The following RGS6 variants were observed in gnomAD, a reference collection of about 807,000 sequenced individuals.
RGS6 encodes the protein regulator of G-protein signaling 6.
In RGS6, 30 loss-of-function variants were observed where a neutral mutation model predicts 78.5. The ratio of observed to expected loss-of-function variants is 0.38; its 90% CI spans 0.29 to 0.52. The LOEUF (loss-of-function observed/expected upper bound fraction) is 0.52, where lower values mean the gene tolerates loss of function less well. Ranked by LOEUF, RGS6 falls within the 20% of genes least tolerant of loss-of-function variation. RGS6 has a pLI of 0.85. For missense variants in RGS6, 495 were observed against 609.7 expected (o/e 0.81, Z 1.98); for synonymous variants, 206 against 206.0 (o/e 1.00, Z 0.00).
chr14:72,380,044 T>C (rs2085661796), intron 3 of RGS6, among the ~76,000 whole-genome samples: 1 of 141,174 alleles, frequency 7.1e-6, no homozygotes, highest in African/African-American at 2.7e-5. Context: ...TTGACAAAGA[T>C]GTGAAGAACA....
At chr14:71,876,305 C>T in the RGS6 span, among the ~76,000 whole-genome samples, 2 of 152,018 alleles carry the variant, frequency 1.3e-5, no homozygotes, top group Non-Finnish European at 2.9e-5. Context: ...TCTCTAAGGA[C>T]TTGCTTTGTG....
At chr14:72,418,597 G>A (rs183085782) in intron 3 of RGS6, among the ~76,000 whole-genome samples, 2 of 152,080 alleles carry the variant, frequency 1.3e-5, no homozygotes, top group East Asian at 3.9e-4. Flanking sequence ...GGCTGAGCAG[G>A]CCCAATGATG....
At chr14:72,538,272 G>A (rs1198512771) in intron 16 of RGS6, among the ~76,000 whole-genome samples, 3 of 152,214 alleles carry the variant, frequency 2.0e-5, no homozygotes, top group African/African-American at 2.4e-5. Context: ...AACCTCCGGC[G>A]GAGAGAGGGA....
At chr14:72,138,451 T>TG (rs2096484050) in intron 2 of RGS6, among the ~76,000 whole-genome samples, 1 of 136,772 alleles carries the variant, frequency 7.3e-6, no homozygotes, top group South Asian at 2.3e-4. Flanking sequence ...CTGTACCTGT[T>TG]TTTTTTTTTT....
chr14:72,292,539 T>G (rs963171625), intron 2 of RGS6, among the ~76,000 whole-genome samples: 1 of 152,242 alleles, frequency 6.6e-6, no homozygotes, highest in Non-Finnish European at 1.5e-5. Context: ...CTTTCTTTTC[T>G]CTAGTCTGTT....
the RGS6 span, among the ~76,000 whole-genome samples, chr14:71,898,682 G>A: frequency 4.7e-5 from 7 of 150,396 alleles, no homozygotes; most frequent in Non-Finnish European, 1.0e-4. Context: ...CCACCCCCCC[G>A]ACAGGCCCCG....
intron 2 of RGS6, among the ~76,000 whole-genome samples, chr14:72,095,454 G>A (rs1319042082): frequency 6.6e-6 from 1 of 152,176 alleles, no homozygotes; most frequent in Non-Finnish European, 1.5e-5. Flanking sequence ...GGAGGGAAGT[G>A]CAAAGTGGTG....
intron 3 of RGS6, among the ~76,000 whole-genome samples, chr14:72,382,598 T>C (rs2086473437): frequency 6.6e-6 from 1 of 152,124 alleles, no homozygotes; most frequent in Admixed American, 6.6e-5. Context: ...AAGGAATATA[T>C]TATAGACTAG....
chr14:72,468,112 G>T (rs2153276902), intron 7 of RGS6, among the ~76,000 whole-genome samples: 1 of 152,312 alleles, frequency 6.6e-6, no homozygotes, highest in South Asian at 2.1e-4. Flanking sequence ...ATATGGCATT[G>T]AGGCCAGGTA....
intron 12 of RGS6, 57 bp from the exon 13 acceptor site, chr14:72,495,095 A>C: frequency 3.0e-6 from 3 of 1,015,428 alleles, no homozygotes; most frequent in South Asian, 2.5e-5. Context: ...GTAAAACAGA[A>C]TAAAGGGGTT....
intron 1 of RGS6, among the ~76,000 whole-genome samples, chr14:71,947,622 C>A (rs1331059250): frequency 1.3e-5 from 2 of 152,120 alleles, no homozygotes; most frequent in East Asian, 3.9e-4. Context: ...GTAGCTGGGA[C>A]TACAGGCGTG....
At chr14:72,417,648 T>C (rs1030641844) in intron 3 of RGS6, among the ~76,000 whole-genome samples, 1 of 152,232 alleles carries the variant, frequency 6.6e-6, no homozygotes, top group Admixed American at 6.5e-5. Flanking sequence ...CAGATGACCT[T>C]GGGCTCATTA....
At chr14:72,229,765 T>C (rs2049079592) in intron 2 of RGS6, among the ~76,000 whole-genome samples, 2 of 152,194 alleles carry the variant, frequency 1.3e-5, no homozygotes, top group Admixed American at 6.5e-5. Flanking sequence ...ACTCAAACAA[T>C]ATGATCAAGA....
In RGS6 at chr14:72,491,473, A is replaced by G. The variant is rs557168459; in HGVS notation, c.855-3679A>G. 7.2e-5 allele frequency among the ~76,000 whole-genome samples: 11 copies of G among 152,368 alleles called. No homozygotes were observed. The South Asian group carries it at 2.1e-3, about 29-fold the overall frequency. ...TTTCCTCAAATGCAACATGTCACTA[A>G]AGGAACAAAAATGGCATGAACTCAC... On this transcript the variant is annotated intron_variant, in intron 12 of 17. Transcript: ENST00000553525.
intron 3 of RGS6, among the ~76,000 whole-genome samples, chr14:72,440,087 G>A (rs1389283154): frequency 6.6e-6 from 1 of 152,188 alleles, no homozygotes; most frequent in African/African-American, 2.4e-5. Flanking sequence ...TTCTACAAAT[G>A]TGTCTATTTG....
At chr14:72,606,671 G>A in the RGS6 span, among the ~76,000 whole-genome samples, 11 of 152,242 alleles carry the variant, frequency 7.2e-5, no homozygotes, top group African/African-American at 2.7e-4. Flanking sequence ...TAGTTTGGAT[G>A]TGTGTTCCCA....
intron 2 of RGS6, among the ~76,000 whole-genome samples, chr14:71,967,996 C>G (rs1291322010): frequency 6.6e-6 from 1 of 152,134 alleles, no homozygotes; most frequent in Non-Finnish European, 1.5e-5. Context: ...AACAGACTTT[C>G]TAATTTAGTT....
intron 2 of RGS6, among the ~76,000 whole-genome samples, chr14:71,982,788 G>A (rs1024971066): frequency 6.6e-6 from 1 of 152,038 alleles, no homozygotes; most frequent in African/African-American, 2.4e-5. Context: ...TTACTGTCTT[G>A]GTTGCTTTTC....
In RGS6 at chr14:72,000,515, G is replaced by C. The variant is rs529189449; in HGVS notation, c.84+35640G>C. On this transcript the variant is annotated intron_variant, in intron 2 of 17. Transcript: ENST00000553525. Reference sequence around the variant, plus strand: ...GGTTGGTTGGGAGTCATCCCATACAGGTGGATAGAGAGCCAAGTAAGAGCT... The same window carrying C: ...GGTTGGTTGGGAGTCATCCCATACACGTGGATAGAGAGCCAAGTAAGAGCT... Among the ~76,000 whole-genome samples the C allele has an allele frequency of 7.2e-5, 11 of 152,300 alleles. No homozygotes were observed. In the East Asian group the frequency reaches 1.9e-3, roughly 27 times the overall value.
Sources: gnomAD v4.1 joint callset for allele counts (sites outside exome capture counted in the v4.1 genomes callset) on GRCh38, gnomAD v4.1.1 for gene constraint, MANE v1.5 for transcripts, NCBI Gene and HGNC (gene_info 2026-07-23, HGNC 2026-07-21) for gene names.